PEX2: variants seen among roughly 807,000 people sequenced by gnomAD.
PEX2 encodes peroxisome biogenesis factor 2.
Under a neutral mutation model 25.2 loss-of-function variants are expected in PEX2, and 19 were observed. That is an observed-to-expected ratio of 0.75 (90% confidence interval 0.53 to 1.10). The LOEUF is 1.10. Among genes scored for constraint, PEX2 ranks in the 50% least tolerant of loss-of-function variants. The probability of loss-of-function intolerance (pLI) is 0.00; values close to 1 mark genes in which losing one functional copy is unlikely to be tolerated. For synonymous variants in PEX2, 141 were observed against 127.7 expected, an observed-to-expected ratio of 1.10 and a Z score of -0.70; for missense variants, 347 against 350.6, an observed-to-expected ratio of 0.99 and a Z score of 0.08.
intron 1 of PEX2, among the ~76,000 whole-genome samples, chr8:76,989,670 G>A (rs779396818): frequency 6.6e-6 from 1 of 152,172 alleles, no homozygotes; most frequent in African/African-American, 2.4e-5. Flanking sequence ...GCATATCAAT[G>A]AGCAGTAATA....
At chr8:76,984,242 T>G in intron 3 of PEX2, 47 bp from the exon 4 acceptor site, 1 of 1,458,318 alleles carries the variant, frequency 6.9e-7, no homozygotes, top group Non-Finnish European at 9.6e-7. Flanking sequence ...GTTGCAATCT[T>G]GTACAACCTC....
chr8:76,988,526 C>A (rs1238292199), intron 1 of PEX2, among the ~76,000 whole-genome samples, 188 bp from the exon 2 acceptor site: 1 of 152,162 alleles, frequency 6.6e-6, no homozygotes, highest in African/African-American at 2.4e-5. Flanking sequence ...ACCATCTGAG[C>A]CTTCAGTGAG....
At chr8:76,999,697 T>C (rs770006034) in intron 1 of PEX2, 5 of 369,340 alleles carry the variant, frequency 1.4e-5, no homozygotes, top group Non-Finnish European at 2.1e-5. Flanking sequence ...GAAAAAGATT[T>C]CGAAGTTCGT....
chr8:76,991,790 T>C (rs1051318521), intron 1 of PEX2, among the ~76,000 whole-genome samples: 68 of 152,192 alleles, frequency 4.5e-4, no homozygotes, highest in African/African-American at 1.6e-3. Context: ...CTCCTAAAAG[T>C]TGGAAATAAC....
intron 1 of PEX2, chr8:76,999,648 T>C (rs1420721928): frequency 2.8e-6 from 1 of 360,578 alleles, no homozygotes; most frequent in Non-Finnish European, 5.4e-6. Context: ...TATAAAGCCG[T>C]TTATAAGAGG....
At chr8:76,997,153 T>G (rs920548810) in intron 1 of PEX2, among the ~76,000 whole-genome samples, 8 of 152,232 alleles carry the variant, frequency 5.3e-5, no homozygotes, top group African/African-American at 1.9e-4. Context: ...TTTGTCTATA[T>G]TCCTTCTCCC....
chr8:76,983,483 A>G lies in PEX2; in HGVS notation c.696T>C (p.Asn232=). ...CACTGGTGGCTAATGTATTGTCACT[A>G]TTAGGTGCACCAGTAAGAGGAATAC... The part of the protein sequence containing the change: ...SWCIPLTGAP[N]SDNTLATSGK... Residue 232 remains asparagine, a synonymous_variant, in exon 4 of 4, where the codon AAT becomes AAC. Coordinates refer to ENST00000357039, the MANE Select transcript of PEX2 (RefSeq NM_000318.3). The G allele has an allele frequency of 6.2e-7, 1 of 1,614,130 alleles. No homozygotes were observed. The highest frequency in any genetic ancestry group is 8.5e-7 in the Non-Finnish European group (1 of 1,179,968).
rs143986865 is a variant in PEX2 at position 76,983,560 on chromosome 8, G to A, written c.619C>T (p.Leu207Phe). 2.5e-6 allele frequency: 4 copies of A among 1,613,904 alleles called. No homozygotes were observed. The highest frequency in any genetic ancestry group is 3.4e-6 in the Non-Finnish European group (4 of 1,180,030). ...WHGFAEFLIF[L>F]LPLINVQKLK... ...TTCTGGACATTGATAAGTGGTAAGA[G>A]AAAAATCAGAAATTCAGCAAAACCA... The change falls in exon 4 of 4, where the codon CTC becomes TTC. Residue 207 changes from leucine to phenylalanine, a missense_variant. Transcript: ENST00000357039.
At chr8:76,989,886 C>T (rs1404118413) in intron 1 of PEX2, among the ~76,000 whole-genome samples, 1 of 152,190 alleles carries the variant, frequency 6.6e-6, no homozygotes, top group East Asian at 1.9e-4. Context: ...CCACCAGCTA[C>T]ATTAACCCAC....
intron 1 of PEX2, among the ~76,000 whole-genome samples, chr8:76,990,176 T>C (rs564315999): frequency 1.3e-5 from 2 of 152,320 alleles, no homozygotes; most frequent in South Asian, 4.1e-4. Flanking sequence ...CTTCCACCTT[T>C]TCTTCTGCAG....
rs148385937 is a variant in PEX2 at position 76,981,265 on chromosome 8, G to C, written c.*1996C>G. 1.3e-5 allele frequency: 2 copies of C among 152,338 alleles called. No individual in the cohort carries two copies. The highest frequency in any genetic ancestry group is 3.9e-4 in the East Asian group (2 of 5,186). 9.4% of individuals were successfully genotyped at this position (152,338 alleles called of 1,614,324 possible). A position where few individuals can be genotyped will look rare whatever the true frequency, so the allele number is the denominator to read the frequency against. ...GTAGGAGGACTGCTTGAGCCCAGAA[G>C]TTCAAGACCAGCCTGGGCAACAAAG... is the stretch of plus-strand genomic sequence containing the variant. On this transcript the variant is annotated 3_prime_UTR_variant, in exon 4 of 4. Coordinates refer to ENST00000357039, the MANE Select transcript of PEX2 (RefSeq NM_000318.3).
intron 1 of PEX2, among the ~76,000 whole-genome samples, chr8:76,997,438 G>GCA (rs1807371037): frequency 6.6e-6 from 1 of 152,050 alleles, no homozygotes; most frequent in South Asian, 2.1e-4. Flanking sequence ...GTGTGGTGGT[G>GCA]CACACCTGTA....
intron 1 of PEX2, among the ~76,000 whole-genome samples, chr8:76,997,855 T>A (rs1322188988): frequency 6.6e-6 from 1 of 152,192 alleles, no homozygotes; most frequent in Non-Finnish European, 1.5e-5. Context: ...CTTCTTTGCC[T>A]CCACTTCCAT....
At chr8:76,996,883 TAAC>T (rs1807348512) in intron 1 of PEX2, among the ~76,000 whole-genome samples, 1 of 152,192 alleles carries the variant, frequency 6.6e-6, no homozygotes, top group Non-Finnish European at 1.5e-5. Context: ...TTGAGAAGAT[TAAC>T]AACCCATCTA....
At chr8:76,989,501 T>C (rs1807100975) in intron 1 of PEX2, among the ~76,000 whole-genome samples, 1 of 152,090 alleles carries the variant, frequency 6.6e-6, no homozygotes, top group Admixed American at 6.6e-5. Flanking sequence ...GAAATTGCTA[T>C]TGGCAACTAC....
At chr8:76,986,432 C>A (rs1807002282) in intron 2 of PEX2, 136 bp from the exon 3 acceptor site, 1 of 152,438 alleles carries the variant, frequency 6.6e-6, no homozygotes, top group Admixed American at 6.5e-5. Context: ...CCCCCGCAAG[C>A]CTTTTCCTGA....
chr8:76,983,810 C>A lies in PEX2; in HGVS notation c.369G>T (p.Leu123Phe). 1 of 1,614,134 alleles carries A rather than the reference C, an allele frequency of 6.2e-7. No individual in the cohort carries two copies. Among genetic ancestry groups the A allele is most frequent in the Non-Finnish European group, 8.5e-7 (1 of 1,180,016 alleles). Reference protein sequence around the residue: ...GRWLEERCYDLFRNHHLASFG... With the variant: ...GRWLEERCYDFFRNHHLASFG... ...ATGATGCTAAATGATGGTTTCGAAA[C>A]AAATCATAGCATCGTTCTTCTAACC... is the stretch of plus-strand genomic sequence containing the variant. Residue 123 changes from leucine to phenylalanine, a missense_variant, in exon 4 of 4, where the codon TTG becomes TTT. Coordinates refer to ENST00000357039, the MANE Select transcript of PEX2 (RefSeq NM_000318.3).
At chr8:76,984,696 T>A (rs572764449) in intron 3 of PEX2, among the ~76,000 whole-genome samples, 89 of 152,132 alleles carry the variant, frequency 5.9e-4, no homozygotes, top group African/African-American at 2.1e-3. Flanking sequence ...ACTCCAAAGG[T>A]GTTATTTTTT....
At chr8:76,999,715 G>GTTA in intron 1 of PEX2, 1 of 388,906 alleles carries the variant, frequency 2.6e-6, no homozygotes, top group Non-Finnish European at 5.1e-6. Flanking sequence ...CGTCTCTTAA[G>GTTA]TTACTACGTG....
Sources: gnomAD v4.1 joint callset for allele counts (sites outside exome capture counted in the v4.1 genomes callset) on GRCh38, gnomAD v4.1.1 for gene constraint, MANE v1.5 for transcripts, NCBI Gene and HGNC (gene_info 2026-07-23, HGNC 2026-07-21) for gene names.